The following ERAP2 variants were observed in gnomAD, a reference collection of about 807,000 sequenced individuals.
ERAP2 encodes the protein leukocyte-derived arginine aminopeptidase.
Under a neutral mutation model 111.1 loss-of-function variants are expected in ERAP2, and 118 were observed. That is an observed-to-expected ratio of 1.06 (90% confidence interval 0.92 to 1.24). The LOEUF is 1.24. ERAP2 is among the 50% of genes most tolerant of loss of function. The pLI, the probability that ERAP2 is intolerant of heterozygous loss-of-function variation, is 0.00. For synonymous variants in ERAP2, 410 were observed against 401.2 expected (o/e 1.02, Z -0.26); for missense variants, 1,131 against 1,125.8 (o/e 1.00, Z -0.07).
chr5:96,894,590 A>G (rs1352988567), intron 6 of ERAP2, among the ~76,000 whole-genome samples: 1 of 152,236 alleles, frequency 6.6e-6, no homozygotes, highest in Non-Finnish European at 1.5e-5. Flanking sequence ...TGCATAATAC[A>G]GATCAAATAT....
intron 4 of ERAP2, 78 bp from the exon 5 acceptor site, chr5:96,889,106 CT>C: frequency 6.5e-7 from 1 of 1,542,978 alleles, no homozygotes; most frequent in African/African-American, 1.4e-5. Context: ...GTCTGCCTTT[CT>C]GTGTGAGAGG....
chr5:96,892,139 C>T (rs565485273), intron 5 of ERAP2, among the ~76,000 whole-genome samples, 160 bp from the exon 6 acceptor site: 110 of 152,212 alleles, frequency 7.2e-4, no homozygotes, highest in African/African-American at 2.5e-3. Flanking sequence ...TTATTTTCAG[C>T]GCAACTATAA....
rs1416341025 is a variant in ERAP2 at position 96,900,300 on chromosome 5, G to A, written c.1572+111G>A. 2.1e-6 allele frequency: 3 copies of A among 1,450,252 alleles called. No individual in the cohort carries two copies. The African/African-American group carries it at 4.2e-5, about 20-fold the overall frequency. 89.8% of individuals were successfully genotyped at this position (1,450,252 alleles called of 1,614,324 possible). A position where few individuals can be genotyped will look rare whatever the true frequency, so the allele number is the denominator to read the frequency against. ...GTCCCTTTTAAAAGCTGGAGAGAAA[G>A]AGAGCCCCCACGATTTTCTCTAAAA... On this transcript the variant is annotated intron_variant, in intron 10 of 18. Transcript: ENST00000437043.
intron 4 of ERAP2, among the ~76,000 whole-genome samples, chr5:96,887,386 C>T (rs550780778): frequency 4.0e-5 from 6 of 151,194 alleles, no homozygotes; most frequent in Admixed American, 6.6e-5. Context: ...CTGCAATCTC[C>T]GCCTCCTGGA....
In ERAP2 at chr5:96,909,765, G is replaced by A; in HGVS notation, c.2354+1G>A. 5 of 1,613,762 alleles carry A rather than the reference G, an allele frequency of 3.1e-6. No homozygotes were observed. The highest frequency in any genetic ancestry group is 4.2e-6 in the Non-Finnish European group (5 of 1,179,692). On this transcript the variant is annotated splice_donor_variant, in intron 15 of 18. Transcript: ENST00000437043. LOFTEE classifies it high-confidence loss of function. The stretch of plus-strand genomic sequence containing the variant: ...GGATGGAATCCAGTGGAAAATTAAA[G>A]TAGATGTAGACTTCTGTCCTACCCT...
rs780230313 is a variant in ERAP2, at chr5:96,901,674, C to G, written c.1741C>G (p.Gln581Glu). ...GGAAGACCCTGAATGGAGGGCCCTG[C>G]AGGAGAGGTGGCTGCTTTTCTTCTT... is the stretch of plus-strand genomic sequence containing the variant. ...FQEDPEWRAL[Q>E]ERYLWHIPLT... Residue 581 changes from glutamine (Q) to glutamate (E), a missense_variant, in exon 11 of 19, where the codon CAG becomes GAG. Transcript: ENST00000437043. The G allele has an allele frequency of 6.8e-6, 11 of 1,613,584 alleles. No homozygotes were observed. Among genetic ancestry groups the G allele is most frequent in the Non-Finnish European group, 9.3e-6 (11 of 1,179,766 alleles).
At chr5:96,913,197 G>T in intron 16 of ERAP2, 120 bp from the exon 17 acceptor site, 1 of 720,104 alleles carries the variant, frequency 1.4e-6, no homozygotes, top group Non-Finnish European at 2.2e-6. Context: ...TTAAAAAATT[G>T]GTAATTATAC....
chr5:96,909,548 C>G, intron 14 of ERAP2, 32 bp from the exon 15 acceptor site: 1 of 1,568,210 alleles, frequency 6.4e-7, no homozygotes, highest in Admixed American at 1.7e-5. Context: ...CTAAATTTAG[C>G]CTCTCTGTTA....
rs774647815 is a variant in ERAP2 at position 96,892,447 on chromosome 5, G to A, written c.1119G>A (p.Ala373=). 60 of 1,613,628 alleles carry A rather than the reference G, an allele frequency of 3.7e-5. No individual in the cohort carries two copies. The highest frequency in any genetic ancestry group is 3.3e-5 in the Admixed American group (2 of 59,960). ...CCAGAGTCATAGCCCATGAACTGGC[G>A]CACCAGGTACTTGGCACTCATGACA... ...WVTRVIAHEL[A]HQWFGNLVTM... The change falls in exon 6 of 19, where the codon GCG becomes GCA. Residue 373 remains alanine (A), a synonymous_variant. Transcript: ENST00000437043.
chr5:96,878,309 T>C (rs902981194), intron 1 of ERAP2, among the ~76,000 whole-genome samples: 2 of 152,130 alleles, frequency 1.3e-5, no homozygotes, highest in African/African-American at 4.8e-5. Flanking sequence ...TGGGGATAAA[T>C]ACCTACCTTG....
chr5:96,909,173 G>C, intron 14 of ERAP2, 56 bp downstream of exon 14: 1 of 1,556,180 alleles, frequency 6.4e-7, no homozygotes, highest in Non-Finnish European at 8.8e-7. Flanking sequence ...TGGAGTATCA[G>C]TCAGGCTCAG....
At chr5:96,908,802 T>C (rs766066692) in intron 13 of ERAP2, among the ~76,000 whole-genome samples, 159 bp from the exon 14 acceptor site, 1 of 152,230 alleles carries the variant, frequency 6.6e-6, no homozygotes. Flanking sequence ...TGTCCAAGAT[T>C]ACTCAGCTAG....
intron 4 of ERAP2, among the ~76,000 whole-genome samples, chr5:96,887,094 TATATATACACAC>T (rs1265654871): frequency 1.9e-4 from 22 of 115,562 alleles, no homozygotes; most frequent in African/African-American, 2.4e-4. Context: ...TATATATATA[TATATATACACAC>T]ACACACACAC....
intron 13 of ERAP2, among the ~76,000 whole-genome samples, chr5:96,904,335 C>T (rs1230325660): frequency 1.3e-5 from 2 of 152,158 alleles, no homozygotes; most frequent in African/African-American, 4.8e-5. Context: ...CAAGCTTTCC[C>T]TATTCTGAGA....
chr5:96,896,339 G>A (rs1038004699), intron 7 of ERAP2, 34 bp from the exon 8 acceptor site: 2 of 1,562,916 alleles, frequency 1.3e-6, no homozygotes, highest in Middle Eastern at 1.7e-4. Flanking sequence ...GTGTCAAATA[G>A]AAACTAAAAC....
At chr5:96,907,195 TAAAC>T (rs1786188291) in intron 13 of ERAP2, among the ~76,000 whole-genome samples, 1 of 152,226 alleles carries the variant, frequency 6.6e-6, no homozygotes, top group African/African-American at 2.4e-5. Context: ...TTCTTTAAGC[TAAAC>T]AAACATTCAG....
At chr5:96,888,041 C>T (rs1299228666) in intron 4 of ERAP2, among the ~76,000 whole-genome samples, 2 of 151,558 alleles carry the variant, frequency 1.3e-5, no homozygotes, top group African/African-American at 4.9e-5. Flanking sequence ...AGGAGAATCG[C>T]TTGAACCCGG....
intron 1 of ERAP2, 115 bp downstream of exon 1, chr5:96,876,642 G>A (rs1022686077): frequency 1.3e-5 from 2 of 152,384 alleles, no homozygotes; most frequent in African/African-American, 4.8e-5. Context: ...CTAAGGCAAG[G>A]TTCTGGGGGA....
chr5:96,881,258 T>C (rs1444898731), intron 2 of ERAP2: 6 of 375,756 alleles, frequency 1.6e-5, no homozygotes, highest in Middle Eastern at 6.3e-4. Flanking sequence ...GAGTAATCAA[T>C]TGGGAGGTCA....
Sources: allele counts gnomAD v4.1 joint callset (sites outside exome capture counted in the v4.1 genomes callset), GRCh38; gene constraint gnomAD v4.1.1; transcripts MANE v1.5; gene names NCBI Gene and HGNC (gene_info 2026-07-23, HGNC 2026-07-21).